NSMAF: variants seen among roughly 807,000 people sequenced by gnomAD.
The protein encoded by NSMAF is neutral sphingomyelinase activation associated factor, also known as protein FAN.
NSMAF carries 90 observed loss-of-function variants against 134.9 expected under a neutral mutation model. The observed-to-expected ratio is 0.67, with a 90% CI of 0.56 to 0.79. NSMAF has a LOEUF of 0.79. Among genes scored for constraint, NSMAF ranks in the 30% least tolerant of loss-of-function variants. NSMAF has a pLI of 0.00. For synonymous variants in NSMAF, 358 were observed against 389.6 expected, an observed-to-expected ratio of 0.92 and a Z score of 0.96; for missense variants, 1,010 against 1,119.0, an observed-to-expected ratio of 0.90 and a Z score of 1.39.
chr8:58,630,364 T>G (rs1807030204), intron 6 of NSMAF, among the ~76,000 whole-genome samples: 1 of 152,052 alleles, frequency 6.6e-6, no homozygotes, highest in Non-Finnish European at 1.5e-5. Context: ...TAATTCACAT[T>G]GGAACAAAAG....
In NSMAF at chr8:58,607,974, G is replaced by C. The variant is rs554883117; in HGVS notation, c.688-134C>G. 1.1e-5 allele frequency: 8 copies of C among 728,924 alleles called. No homozygotes were observed. The South Asian group carries it at 1.3e-4, about 12-fold the overall frequency. 45.2% of individuals were successfully genotyped at this position (728,924 alleles called of 1,614,324 possible). A position where few individuals can be genotyped will look rare whatever the true frequency, so the allele number is the denominator to read the frequency against. On this transcript the variant is annotated intron_variant, in intron 10 of 30. Coordinates refer to ENST00000038176, the MANE Select transcript of NSMAF (RefSeq NM_003580.4). ...TAAACCATTGGAAAAGGAAATCTTG[G>C]AACAAGGTGATATCTGGTTTCCCAT...
intron 2 of NSMAF, among the ~76,000 whole-genome samples, chr8:58,641,080 C>A (rs1282226886): frequency 1.3e-5 from 2 of 151,728 alleles, no homozygotes; most frequent in African/African-American, 2.4e-5. Flanking sequence ...CACCACCACG[C>A]CTGGCTAATT....
chr8:58,654,321 G>A lies in NSMAF; in HGVS notation c.59+5252C>T, dbSNP rs147602341. ...TGAGTAAAAGAAAGTTGGGCCGGGC[G>A]TGGTGGCTCACCTGAGATCGGGAGT... is the stretch of plus-strand genomic sequence containing the variant. On this transcript the variant is annotated intron_variant, in intron 1 of 30. Transcript: ENST00000038176. Among the ~76,000 whole-genome samples, 846 of 152,288 alleles carry A rather than the reference G, an allele frequency of 5.6e-3. 7 individuals carry two copies. Among genetic ancestry groups the A allele is most frequent in the African/African-American group, 0.019 (792 of 41,562 alleles).
At chr8:58,626,089 TTC>T (rs1806922850) in intron 6 of NSMAF, among the ~76,000 whole-genome samples, 1 of 109,922 alleles carries the variant, frequency 9.1e-6, no homozygotes, top group African/African-American at 3.2e-5. Context: ...CATTATATAA[TTC>T]TTTTTTTTTT....
At chr8:58,616,491 T>C (rs1308188100) in intron 9 of NSMAF, among the ~76,000 whole-genome samples, 1 of 151,672 alleles carries the variant, frequency 6.6e-6, no homozygotes, top group East Asian at 1.9e-4. Flanking sequence ...ATTAACAGAA[T>C]AAAGAAAAAA....
At chr8:58,590,816 A>G in intron 24 of NSMAF, 51 bp downstream of exon 24, 1 of 1,502,242 alleles carries the variant, frequency 6.7e-7, no homozygotes, top group East Asian at 2.4e-5. Context: ...GGTGTGTATA[A>G]AACAAACTAC....
intron 9 of NSMAF, among the ~76,000 whole-genome samples, chr8:58,610,885 T>C (rs2680901): frequency 0.49 from 73,717 of 151,968 alleles, 19,358 homozygotes; most frequent in Admixed American, 0.62. Flanking sequence ...GAAGAGAAAG[T>C]CTTTATCACT....
At position 58,594,278 on chromosome 8, in the gene NSMAF, T is replaced by A. The variant is rs1380246156; in HGVS notation, c.1905A>T (p.Gly635=). ...HYKIHKEAVT[G]ITVSRNGSSV... The stretch of plus-strand genomic sequence containing the variant: ...AAGATCCATTGCGAGAGACCGTGAT[T>A]CCAGTAACTGCTCTGCTCAAAAACA... Residue 635 remains glycine, a synonymous_variant, in exon 23 of 31, where the codon GGA becomes GGT. Coordinates refer to ENST00000038176, the MANE Select transcript of NSMAF (RefSeq NM_003580.4). The A allele has an allele frequency of 6.2e-7, 1 of 1,614,030 alleles. No homozygotes were observed. Among genetic ancestry groups the A allele is most frequent in the Non-Finnish European group, 8.5e-7 (1 of 1,179,950 alleles).
chr8:58,636,174 T>C (rs1260567294), intron 2 of NSMAF, among the ~76,000 whole-genome samples: 3 of 152,174 alleles, frequency 2.0e-5, no homozygotes, highest in Admixed American at 2.0e-4. Context: ...ACAAATAGAA[T>C]AGAAAACTCC....
intron 1 of NSMAF, among the ~76,000 whole-genome samples, chr8:58,653,422 G>A (rs1446090050): frequency 6.6e-6 from 1 of 151,936 alleles, no homozygotes; most frequent in African/African-American, 2.4e-5. Context: ...AAAAGTCCAA[G>A]TATAAGCTAT....
rs535722019 is a variant in NSMAF, at chr8:58,596,539, C to T, written c.1792+848G>A. ...GAACTGGGTCAAGTTCAATTTAGTG[C>T]CTAGCACATGCCCAGCGCAGAACAG... On this transcript the variant is annotated intron_variant, in intron 21 of 30. Transcript: ENST00000038176. Among the ~76,000 whole-genome samples the T allele has an allele frequency of 2.6e-5, 4 of 152,264 alleles. No individual in the cohort carries two copies. The East Asian group carries it at 5.8e-4, about 22-fold the overall frequency.
At position 58,656,211 on chromosome 8, in the gene NSMAF, C is replaced by A. The variant is rs192643067; in HGVS notation, c.59+3362G>T. Among the ~76,000 whole-genome samples, 38 of 151,810 alleles carry A rather than the reference C, an allele frequency of 2.5e-4. 2 individuals carry two copies. In the East Asian group the frequency reaches 7.5e-3, roughly 30 times the overall value. On this transcript the variant is annotated intron_variant, in intron 1 of 30. Coordinates refer to ENST00000038176, the MANE Select transcript of NSMAF (RefSeq NM_003580.4). Reference sequence around the variant, plus strand: ...TTTTTGTATTTTTATTAGAGATTGGCCAGGCTGGTCTCGAACTCCTCACCT... The same window carrying A: ...TTTTTGTATTTTTATTAGAGATTGGACAGGCTGGTCTCGAACTCCTCACCT...
At position 58,643,015 on chromosome 8, in the gene NSMAF, G is replaced by A; in HGVS notation, c.118C>T (p.His40Tyr). The change falls in exon 2 of 31, where the codon CAC becomes TAC. Residue 40 changes from histidine (H) to tyrosine (Y), a missense_variant. Coordinates refer to ENST00000038176, the MANE Select transcript of NSMAF (RefSeq NM_003580.4). The stretch of plus-strand genomic sequence containing the variant: ...TGGTGACTGCCCTTGTGCAAAATGT[G>A]ATTGGCTCTATGCTGTTCAAAGTAG... Reference protein sequence around the residue: ...EYYFEQHRANHILHKGSHHER... With the variant: ...EYYFEQHRANYILHKGSHHER... The A allele has an allele frequency of 1.9e-6, 3 of 1,613,996 alleles. No homozygotes were observed. Among genetic ancestry groups the A allele is most frequent in the Non-Finnish European group, 2.5e-6 (3 of 1,179,884 alleles).
intron 2 of NSMAF, chr8:58,640,028 C>A: frequency 2.2e-6 from 1 of 453,066 alleles, no homozygotes; most frequent in Non-Finnish European, 4.4e-6. Flanking sequence ...TTAAACTTCA[C>A]GAAATTAAAG....
intron 9 of NSMAF, among the ~76,000 whole-genome samples, chr8:58,621,085 C>T (rs928793499): frequency 7.2e-5 from 11 of 151,870 alleles, no homozygotes; most frequent in African/African-American, 2.4e-4. Context: ...TTTCGATCCT[C>T]ACCCTCCTCC....
chr8:58,650,337 C>G (rs981647709), intron 1 of NSMAF, among the ~76,000 whole-genome samples: 3 of 152,068 alleles, frequency 2.0e-5, no homozygotes, highest in Admixed American at 2.0e-4. Context: ...GGGCTTTAAC[C>G]TTTTTGAAAT....
At position 58,585,840 on chromosome 8, in the gene NSMAF, G is replaced by A. The variant is rs924929964; in HGVS notation, c.2549+58C>T. 3.2e-6 allele frequency: 5 copies of A among 1,576,864 alleles called. No homozygotes were observed. In the African/African-American group the frequency reaches 4.0e-5, roughly 13 times the overall value. ...TGAACTGGCCAATGTAAGCCCAAAT[G>A]AAGTGATCATGAACATGTCTGTAAA... On this transcript the variant is annotated intron_variant, in intron 29 of 30. Transcript: ENST00000038176.
intron 10 of NSMAF, among the ~76,000 whole-genome samples, chr8:58,608,531 A>C (rs1563530729): frequency 6.6e-6 from 1 of 152,148 alleles, no homozygotes; most frequent in African/African-American, 2.4e-5. Flanking sequence ...GGAGTCCCAG[A>C]GTCAGGTCTT....
At chr8:58,626,478 T>C (rs2129144894) in intron 6 of NSMAF, among the ~76,000 whole-genome samples, 1 of 152,358 alleles carries the variant, frequency 6.6e-6, no homozygotes, top group African/African-American at 2.4e-5. Flanking sequence ...GGTTTTCCAT[T>C]CCTGAGTTAT....
Sources: allele counts gnomAD v4.1 joint callset (sites outside exome capture counted in the v4.1 genomes callset), GRCh38; gene constraint gnomAD v4.1.1; transcripts MANE v1.5; gene names NCBI Gene and HGNC (gene_info 2026-07-23, HGNC 2026-07-21).